The following UPF2 variants were observed in gnomAD, a reference collection of about 807,000 sequenced individuals.
UPF2 encodes regulator of nonsense transcripts 2.
UPF2 carries 17 observed loss-of-function variants against 141.4 expected under a neutral mutation model. That is an observed-to-expected ratio of 0.12 (90% CI 0.08 to 0.18). UPF2 has a LOEUF of 0.18. Ranked by LOEUF, UPF2 falls within the 10% of genes least tolerant of loss-of-function variation. The pLI is 1.00. For missense variants in UPF2, 1,152 were observed against 1,515.9 expected (o/e 0.76, Z 3.99); for synonymous variants, 540 against 498.0 (o/e 1.08, Z -1.12).
chr10:12,013,999 G>A, intron 4 of UPF2, 25 bp downstream of exon 4: 2 of 1,491,760 alleles, frequency 1.3e-6, no homozygotes, highest in Admixed American at 2.1e-5. Flanking sequence ...AAAACACAAT[G>A]TTTGTTTTTA....
At chr10:11,969,968 A>G (rs1047316433) in intron 9 of UPF2, among the ~76,000 whole-genome samples, 1 of 152,266 alleles carries the variant, frequency 6.6e-6, no homozygotes, top group Non-Finnish European at 1.5e-5. Context: ...TCTCTAATAC[A>G]TGGGCACTAA....
intron 18 of UPF2, among the ~76,000 whole-genome samples, chr10:11,938,403 G>A (rs1050932399): frequency 6.6e-6 from 1 of 151,716 alleles, no homozygotes; most frequent in Non-Finnish European, 1.5e-5. Context: ...ACTTACTAGG[G>A]GTAAATTTTT....
chr10:11,938,810 C>G (rs896457023), intron 18 of UPF2, among the ~76,000 whole-genome samples: 1 of 149,324 alleles, frequency 6.7e-6, no homozygotes, highest in Non-Finnish European at 1.5e-5. Context: ...AGAACAAACT[C>G]CACCACGTCC....
intron 15 of UPF2, among the ~76,000 whole-genome samples, chr10:11,949,344 A>C (rs538705154): frequency 3.9e-5 from 6 of 151,960 alleles, no homozygotes; most frequent in Non-Finnish European, 4.4e-5. Flanking sequence ...CTCAATAGAG[A>C]ATACCCTTCA....
Position 11,936,533 on chromosome 10 carries a change from G to A in UPF2, c.3546+12C>T. 1 of 1,588,106 alleles carries A rather than the reference G, an allele frequency of 6.3e-7. No individual in the cohort carries two copies. The highest frequency in any genetic ancestry group is 8.6e-7 in the Non-Finnish European group (1 of 1,167,542). On this transcript the variant is annotated intron_variant, in intron 19 of 21. Transcript: ENST00000357604. The surrounding 1 kb of genome is among the most constrained non-coding windows in gnomAD (Gnocchi z 6.6). The stretch of plus-strand genomic sequence containing the variant: ...ACAATCAGCTATAATTACAGGGCGG[G>A]CAGTTTCTTACCTGCTGTTTATTGC...
At chr10:12,039,452 T>A (rs1295567303) in intron 1 of UPF2, among the ~76,000 whole-genome samples, 1 of 152,198 alleles carries the variant, frequency 6.6e-6, no homozygotes, top group African/African-American at 2.4e-5. Context: ...GGGGACAATT[T>A]AATATCTAAG....
At chr10:12,013,978 A>G in intron 4 of UPF2, 46 bp downstream of exon 4, 1 of 1,431,014 alleles carries the variant, frequency 7.0e-7, no homozygotes, top group Non-Finnish European at 9.3e-7. Context: ...GGTAAGTGAC[A>G]GTGCTTACAG....
At chr10:11,927,840 T>A (rs113612044) in intron 21 of UPF2, among the ~76,000 whole-genome samples, 18 of 152,280 alleles carry the variant, frequency 1.2e-4, no homozygotes, top group African/African-American at 4.1e-4. Flanking sequence ...CCAGAACACA[T>A]GAATATGTTC....
chr10:11,967,313 A>T, intron 10 of UPF2, 28 bp downstream of exon 10: 2 of 1,302,902 alleles, frequency 1.5e-6, no homozygotes, highest in Non-Finnish European at 2.1e-6. Context: ...CTTTTCAATT[A>T]AAAACAATCA....
At chr10:12,038,013 A>T (rs1191721863) in intron 1 of UPF2, among the ~76,000 whole-genome samples, 2 of 152,194 alleles carry the variant, frequency 1.3e-5, no homozygotes, top group Middle Eastern at 6.8e-3. Flanking sequence ...TTTGACAGTG[A>T]CACCTAATAG....
chr10:11,937,030 C>T (rs1243351100), intron 18 of UPF2, among the ~76,000 whole-genome samples: 1 of 152,248 alleles, frequency 6.6e-6, no homozygotes, highest in African/African-American at 2.4e-5. Flanking sequence ...AAATACACTA[C>T]ACCCTTCTAT....
chr10:11,949,603 G>C (rs545846807), intron 15 of UPF2, among the ~76,000 whole-genome samples: 24 of 152,202 alleles, frequency 1.6e-4, no homozygotes, highest in African/African-American at 5.8e-4. Context: ...CAAAACTTAA[G>C]ACAGCCCATA....
At chr10:11,976,579 C>A (rs1434433253) in intron 9 of UPF2, among the ~76,000 whole-genome samples, 1 of 152,134 alleles carries the variant, frequency 6.6e-6, no homozygotes, top group African/African-American at 2.4e-5. Context: ...GCTCCAAGTA[C>A]ATGAAAACTT....
intron 9 of UPF2, 31 bp from the exon 10 acceptor site, chr10:11,967,485 A>C (rs201578933): frequency 2.3e-6 from 3 of 1,323,700 alleles, no homozygotes; most frequent in Admixed American, 2.4e-5. Context: ...GATAATGCTT[A>C]ATCAACATTT....
At chr10:12,024,635 ATT>A (rs1834378922) in intron 3 of UPF2, among the ~76,000 whole-genome samples, 2 of 151,266 alleles carry the variant, frequency 1.3e-5, no homozygotes, top group Non-Finnish European at 2.9e-5. Flanking sequence ...TTATTTATTA[ATT>A]AAAGGTGGGG....
intron 2 of UPF2, among the ~76,000 whole-genome samples, chr10:12,030,599 T>C (rs117554080): frequency 0.052 from 7,939 of 151,842 alleles, 285 homozygotes; most frequent in Non-Finnish European, 0.08. Context: ...TAAAAATGTT[T>C]TGAGGCCTGG....
rs910616655 is a variant in UPF2 at position 11,959,039 on chromosome 10, T to C, written c.2370+132A>G. On this transcript the variant is annotated intron_variant, in intron 12 of 21. Transcript: ENST00000357604. This position sits in a 1 kb window ranked among gnomAD's most constrained non-coding sequence, Gnocchi z 5.9. ...TATATATCATCATAAGAATTCCTTC[T>C]TAGGGTGACTTACACAGAGCTGATT... 28 of 702,208 alleles carry C rather than the reference T, an allele frequency of 4.0e-5. No individual in the cohort carries two copies. In the African/African-American group the frequency reaches 4.8e-4, roughly 12 times the overall value. 43.5% of individuals were successfully genotyped at this position (702,208 alleles called of 1,614,324 possible). A position where few individuals can be genotyped will look rare whatever the true frequency, so the allele number is the denominator to read the frequency against.
At chr10:11,932,086 T>C (rs960301810) in intron 19 of UPF2, among the ~76,000 whole-genome samples, 2 of 151,580 alleles carry the variant, frequency 1.3e-5, no homozygotes, top group South Asian at 2.1e-4. Flanking sequence ...GAAGCGGAGG[T>C]TGCAGTGAGC....
intron 3 of UPF2, among the ~76,000 whole-genome samples, chr10:12,026,496 T>C (rs1037160581): frequency 6.6e-6 from 1 of 152,116 alleles, no homozygotes; most frequent in Non-Finnish European, 1.5e-5. Flanking sequence ...ATATCTGAGA[T>C]ACTGTCATGG....
Sources: allele counts gnomAD v4.1 joint callset (sites outside exome capture counted in the v4.1 genomes callset), GRCh38; gene constraint gnomAD v4.1.1; non-coding constraint Gnocchi (gnomAD v3.1); transcripts MANE v1.5; gene names NCBI Gene and HGNC (gene_info 2026-07-23, HGNC 2026-07-21).